The following CTC1 variants were observed in gnomAD, a reference collection of about 807,000 sequenced individuals.
The protein encoded by CTC1 is CST telomere replication complex component 1, also known as CST complex subunit CTC1.
Under a neutral mutation model 136.3 loss-of-function variants are expected in CTC1, and 91 were observed. That is an observed-to-expected ratio of 0.67 (90% confidence interval 0.56 to 0.79). CTC1 has a LOEUF of 0.79. CTC1 is among the 30% of genes least tolerant of loss of function. The pLI is 0.00. For missense variants in CTC1, 1,432 were observed against 1,498.1 expected (o/e 0.96, Z 0.73); for synonymous variants, 606 against 613.8 (o/e 0.99, Z 0.19).
At position 8,226,773 on chromosome 17, in the gene CTC1, G is replaced by A. The variant is rs1050031259; in HGVS notation, c.*1407C>T. 2 of 151,792 alleles carry A rather than the reference G, an allele frequency of 1.3e-5. No individual in the cohort carries two copies. The highest frequency in any genetic ancestry group is 2.4e-5 in the African/African-American group (1 of 41,374). The allele number at this position is 151,792 out of a possible 1,614,324, so 9.4% of individuals were successfully genotyped here. ...CATCTGCCTCCATGAAAGCGCTTCA[G>A]GGAAAAAAAGACGCGGCGGTTGCAC... On this transcript the variant is annotated 3_prime_UTR_variant, in exon 23 of 23. Coordinates refer to ENST00000651323, the MANE Select transcript of CTC1 (RefSeq NM_025099.6).
Position 8,234,437 on chromosome 17 carries a change from T to C in CTC1, c.1818+18A>G. 6.5e-7 allele frequency: 1 copy of C among 1,549,924 alleles called. No individual in the cohort carries two copies. On this transcript the variant is annotated intron_variant, in intron 10 of 22. Coordinates refer to ENST00000651323, the MANE Select transcript of CTC1 (RefSeq NM_025099.6). The stretch of plus-strand genomic sequence containing the variant: ...ACAAAAAGGGAAATCACCTGAGCCC[T>C]GCTAGGGTCCCCCTTACCTGGGCTG...
intron 2 of CTC1, 101 bp downstream of exon 2, chr17:8,242,880 GCTCA>G: frequency 9.8e-7 from 1 of 1,019,418 alleles, no homozygotes; most frequent in Non-Finnish European, 1.4e-6. Context: ...CTTGTCCTCC[GCTCA>G]CTCTCTCACT....
At chr17:8,242,913 A>G (rs1387655672) in intron 2 of CTC1, 72 bp downstream of exon 2, 2 of 1,409,368 alleles carry the variant, frequency 1.4e-6, no homozygotes, top group African/African-American at 1.4e-5. Flanking sequence ...TTCTAATTAT[A>G]GAACCTTACT....
chr17:8,242,259 C>T lies in CTC1; in HGVS notation c.197+726G>A, dbSNP rs113180228. 3.3e-5 allele frequency among the ~76,000 whole-genome samples: 5 copies of T among 152,040 alleles called. No individual in the cohort carries two copies. The East Asian group carries it at 9.7e-4, about 29-fold the overall frequency. On this transcript the variant is annotated intron_variant, in intron 2 of 22. Transcript: ENST00000651323. ...TGTTGGGCAGGCTGACCTCGAACTG[C>T]CGACCTCAGGTGATCCACCTGCCTT...
chr17:8,228,388 C>T (rs2151497224), intron 22 of CTC1, 69 bp from the exon 23 acceptor site: 1 of 1,607,658 alleles, frequency 6.2e-7, no homozygotes, highest in Non-Finnish European at 8.5e-7. Flanking sequence ...CACCATTCTC[C>T]TCCCTAACTC....
At chr17:8,230,000 G>A in intron 17 of CTC1, 32 bp from the exon 18 acceptor site, 1 of 1,602,464 alleles carries the variant, frequency 6.2e-7, no homozygotes, top group Non-Finnish European at 8.5e-7. Flanking sequence ...TGAGTGACCA[G>A]GAAGACAAGG....
In CTC1 at chr17:8,229,166, G is replaced by C. The variant is rs767106179; in HGVS notation, c.3197C>G (p.Thr1066Arg). The C allele has an allele frequency of 3.1e-6, 5 of 1,614,110 alleles. No individual in the cohort carries two copies. The Admixed American group carries it at 8.3e-5, about 27-fold the overall frequency. ...TRLGSTCPTQ[T>R]AISQAIIRLL... ...CCTGATGATGGCCTGGCTTATAGCTGTCTGCGTAGGGCAAGTGGAGCCCAG... is the reference window on the plus strand; with the variant it reads ...CCTGATGATGGCCTGGCTTATAGCTCTCTGCGTAGGGCAAGTGGAGCCCAG... The change falls in exon 20 of 23, where the codon ACA (threonine) becomes AGA (arginine). Residue 1066 changes from threonine to arginine, a missense_variant. Thr to Arg is a moderately conservative substitution (Grantham distance 71). Transcript: ENST00000651323.
chr17:8,228,664 A>G, intron 21 of CTC1, 35 bp from the exon 22 acceptor site: 2 of 1,613,978 alleles, frequency 1.2e-6, no homozygotes, highest in Admixed American at 3.3e-5. Flanking sequence ...CTGGCTCCTA[A>G]ACCCTTTGCC....
rs1987845343 is a variant in CTC1, at chr17:8,237,629, G to A, written c.648-110C>T. 4 of 456,330 alleles carry A rather than the reference G, an allele frequency of 8.8e-6. No homozygotes were observed. In the South Asian group the frequency reaches 8.9e-5, roughly 10 times the overall value. 28.3% of individuals were successfully genotyped at this position (456,330 alleles called of 1,614,324 possible). ...GCAGTAAGCTGAGATCCCGCCATTG[G>A]ACTCCAGCCTGGGCAGCAGGAGTGA... On this transcript the variant is annotated intron_variant, in intron 4 of 22. Coordinates refer to ENST00000651323, the MANE Select transcript of CTC1 (RefSeq NM_025099.6).
At chr17:8,245,951 C>T (rs1988652765) in intron 1 of CTC1, among the ~76,000 whole-genome samples, 3 of 138,272 alleles carry the variant, frequency 2.2e-5, no homozygotes, top group African/African-American at 7.9e-5. Flanking sequence ...TGCCAGTAGT[C>T]CCAGCTACTT....
At chr17:8,246,635 C>G (rs1299822139) in intron 1 of CTC1, among the ~76,000 whole-genome samples, 1 of 152,086 alleles carries the variant, frequency 6.6e-6, no homozygotes, top group Non-Finnish European at 1.5e-5. Context: ...GCCTGTAATC[C>G]CAGCAGTTTC....
In CTC1 at chr17:8,234,476, G is replaced by T; in HGVS notation, c.1797C>A (p.Pro599=). 1 of 1,552,372 alleles carries T rather than the reference G, an allele frequency of 6.4e-7. No homozygotes were observed. ...TTACCTGGGCTGGGCAGAAGGCAGA[G>T]GGCAGCAGACAGAGCCAGGACCAAG... The part of the protein sequence containing the change: ...RLAWSWLCLL[P]SAFCPAQVLL... Residue 599 remains proline, a synonymous_variant, in exon 10 of 23, where the codon CCC becomes CCA. Transcript: ENST00000651323.
At position 8,234,740 on chromosome 17, in the gene CTC1, T is replaced by A; in HGVS notation, c.1617+9A>T. On this transcript the variant is annotated intron_variant, in intron 9 of 22. Transcript: ENST00000651323. Reference sequence around the variant, plus strand: ...GTTCTGCCACCATCCTTCCCCCACATCCTCATACTTTCTGGAGGGGACAGT... The same window carrying A: ...GTTCTGCCACCATCCTTCCCCCACAACCTCATACTTTCTGGAGGGGACAGT... 3 of 1,585,602 alleles carry A rather than the reference T, an allele frequency of 1.9e-6. No individual in the cohort carries two copies. The highest frequency in any genetic ancestry group is 2.6e-6 in the Non-Finnish European group (3 of 1,164,314).
At chr17:8,246,040 A>G (rs9912921) in intron 1 of CTC1, among the ~76,000 whole-genome samples, 9,957 of 140,342 alleles carry the variant, frequency 0.071, 1,258 homozygotes, top group East Asian at 0.24. Context: ...CTCTAAAACA[A>G]TTCAAAATTA....
In CTC1 at chr17:8,232,583, C is replaced by T. The variant is rs1597379392; in HGVS notation, c.1946-108G>A. On this transcript the variant is annotated intron_variant, in intron 11 of 22. Coordinates refer to ENST00000651323, the MANE Select transcript of CTC1 (RefSeq NM_025099.6). ...TACCCATCCCAGGCCAGAGCTGCTGCCCTCACATGACATGAAAGCCCACAC... is the reference window on the plus strand; with the variant it reads ...TACCCATCCCAGGCCAGAGCTGCTGTCCTCACATGACATGAAAGCCCACAC... 5 of 869,488 alleles carry T rather than the reference C, an allele frequency of 5.8e-6. No homozygotes were observed. In the East Asian group the frequency reaches 1.2e-4, roughly 21 times the overall value. The allele number at this position is 869,488 out of a possible 1,614,324, so 53.9% of individuals were successfully genotyped here. A position where few individuals can be genotyped will look rare whatever the true frequency, so the allele number is the denominator to read the frequency against.
Position 8,233,039 on chromosome 17 carries a change from G to C in CTC1, c.1819-7C>G, listed in dbSNP as rs2151513098. 6.2e-7 allele frequency: 1 copy of C among 1,613,740 alleles called. No individual in the cohort carries two copies. The highest frequency in any genetic ancestry group is 8.5e-7 in the Non-Finnish European group (1 of 1,179,714). ...CCAGAACCCCAAGTAAAACCTGCAA[G>C]AAGATGAAGGTTGAGTTATCAAATG... is the stretch of plus-strand genomic sequence containing the variant. On this transcript the variant is annotated splice_region_variant and splice_polypyrimidine_tract_variant and intron_variant, in intron 10 of 22. Transcript: ENST00000651323.
chr17:8,246,061 C>T (rs925213703), intron 1 of CTC1, among the ~76,000 whole-genome samples: 1 of 151,838 alleles, frequency 6.6e-6, no homozygotes, highest in African/African-American at 2.4e-5. Flanking sequence ...GCTGGGTTAG[C>T]CTGGCGTGGT....
chr17:8,233,882 A>G (rs1394055254), intron 10 of CTC1, among the ~76,000 whole-genome samples: 2 of 152,244 alleles, frequency 1.3e-5, no homozygotes, highest in South Asian at 2.1e-4. Context: ...GACTGCAATG[A>G]GCCATGATCG....
rs1443661817 is a variant in CTC1 at position 8,242,974 on chromosome 17, C to A, written c.197+11G>T. On this transcript the variant is annotated intron_variant, in intron 2 of 22. Transcript: ENST00000651323. ...CCCTGCCCAGCCCCCGCAACCGCCACCTCTCCTTACCTATAGCTGAGGGGC... is the reference window on the plus strand; with the variant it reads ...CCCTGCCCAGCCCCCGCAACCGCCAACTCTCCTTACCTATAGCTGAGGGGC... The A allele has an allele frequency of 4.4e-6, 7 of 1,603,648 alleles. No homozygotes were observed. Among genetic ancestry groups the A allele is most frequent in the Non-Finnish European group, 6.0e-6 (7 of 1,175,090 alleles).
Sources: allele counts gnomAD v4.1 joint callset (sites outside exome capture counted in the v4.1 genomes callset), GRCh38; gene constraint gnomAD v4.1.1; transcripts MANE v1.5; gene names NCBI Gene and HGNC (gene_info 2026-07-23, HGNC 2026-07-21).